SLC38A6: variants seen among roughly 807,000 people sequenced by gnomAD.
The protein encoded by SLC38A6 is solute carrier family 38 member 6.
SLC38A6 carries 73 observed loss-of-function variants against 65.0 expected under a neutral mutation model. The observed-to-expected ratio is 1.12, with a 90% confidence interval of 0.93 to 1.37. The LOEUF (loss-of-function observed/expected upper bound fraction) is 1.37, where lower values mean the gene tolerates loss of function less well. SLC38A6 is among the 40% of genes most tolerant of loss of function. The pLI is 0.00. For missense variants in SLC38A6, 561 were observed against 531.1 expected (o/e 1.06, Z -0.55); for synonymous variants, 183 against 178.8 (o/e 1.02, Z -0.19).
At chr14:61,001,906 G>C (rs554884663) in intron 3 of SLC38A6, 1 of 151,802 alleles carries the variant, frequency 6.6e-6, no homozygotes, top group African/African-American at 2.4e-5. Context: ...TTATACTAGC[G>C]CTTCTGTTCT....
chr14:61,039,312 A>G lies in SLC38A6; in HGVS notation c.624+1629A>G, dbSNP rs535063497. Among the ~76,000 whole-genome samples, 8 of 152,318 alleles carry G rather than the reference A, an allele frequency of 5.3e-5. No individual in the cohort carries two copies. The South Asian group carries it at 1.7e-3, about 32-fold the overall frequency. Reference sequence around the variant, plus strand: ...AGTTTAATCTACAGTGGGGCAATGAAGAATACTCTGTATGCTTTTTTAAAT... The same window carrying G: ...AGTTTAATCTACAGTGGGGCAATGAGGAATACTCTGTATGCTTTTTTAAAT... On this transcript the variant is annotated intron_variant, in intron 8 of 15. Transcript: ENST00000267488.
intron 3 of SLC38A6, among the ~76,000 whole-genome samples, chr14:60,990,692 G>A (rs980840198): frequency 6.6e-6 from 1 of 151,912 alleles, no homozygotes; most frequent in African/African-American, 2.4e-5. Flanking sequence ...GAATGTAGTG[G>A]CGTGAACATA....
At chr14:60,996,313 GA>G (rs1467122648) in intron 3 of SLC38A6, among the ~76,000 whole-genome samples, 1 of 152,156 alleles carries the variant, frequency 6.6e-6, no homozygotes, top group Non-Finnish European at 1.5e-5. Flanking sequence ...ACTAAAAGAA[GA>G]TCCTGCATTC....
chr14:61,029,206 A>T (rs2040793304), intron 5 of SLC38A6, among the ~76,000 whole-genome samples: 1 of 140,528 alleles, frequency 7.1e-6, no homozygotes, highest in South Asian at 2.2e-4. Context: ...CCCAGGCTGA[A>T]GTGCAGTGGT....
intron 3 of SLC38A6, among the ~76,000 whole-genome samples, chr14:60,999,714 A>G (rs1227126304): frequency 6.6e-6 from 1 of 152,250 alleles, no homozygotes; most frequent in Non-Finnish European, 1.5e-5. Flanking sequence ...AGGGAATATC[A>G]TAGAGGAGAT....
chr14:61,006,782 A>T (rs1472162053), intron 3 of SLC38A6, among the ~76,000 whole-genome samples: 1 of 152,206 alleles, frequency 6.6e-6, no homozygotes, highest in Non-Finnish European at 1.5e-5. Flanking sequence ...TCAGGGATCT[A>T]GAACTAGAAA....
chr14:61,007,569 T>C (rs545828217), intron 3 of SLC38A6, among the ~76,000 whole-genome samples: 3 of 152,204 alleles, frequency 2.0e-5, no homozygotes, highest in Non-Finnish European at 2.9e-5. Context: ...TTGAGCCCAG[T>C]AGTTCAAGGC....
chr14:61,031,144 C>T (rs945696466), intron 6 of SLC38A6: 1 of 152,094 alleles, frequency 6.6e-6, no homozygotes, highest in Non-Finnish European at 1.5e-5. Flanking sequence ...ATTTTTGACT[C>T]ACCTCTTTAT....
At chr14:61,082,328 C>T (rs1481521845) in intron 16 of SLC38A6, among the ~76,000 whole-genome samples, 1 of 152,158 alleles carries the variant, frequency 6.6e-6, no homozygotes, top group Non-Finnish European at 1.5e-5. Context: ...GTCTTTAGTC[C>T]TGTTGACTGC....
intron 15 of SLC38A6, among the ~76,000 whole-genome samples, chr14:61,062,612 C>T (rs2042889477): frequency 6.6e-6 from 1 of 152,002 alleles, no homozygotes; most frequent in African/African-American, 2.4e-5. Context: ...CAGGCACATA[C>T]CACCATTTGT....
At chr14:61,014,288 AT>A (rs987966800) in intron 3 of SLC38A6, among the ~76,000 whole-genome samples, 1 of 151,478 alleles carries the variant, frequency 6.6e-6, no homozygotes, top group Non-Finnish European at 1.5e-5. Context: ...CATTCGTCTA[AT>A]TTTTTTTCAA....
chr14:60,982,029 A>G lies in SLC38A6; in HGVS notation c.106-479A>G, dbSNP rs144044872. Among the ~76,000 whole-genome samples, 105 of 152,336 alleles carry G rather than the reference A, an allele frequency of 6.9e-4. 2 individuals carry two copies. Among genetic ancestry groups the G allele is most frequent in the South Asian group, 1.9e-3 (9 of 4,824 alleles). ...CTGTTTATAATATTGTCATTGCAAG[A>G]TATTCCTGACCATCCTTCCAGTTTG... On this transcript the variant is annotated intron_variant, in intron 1 of 15. Coordinates refer to ENST00000267488, the MANE Select transcript of SLC38A6 (RefSeq NM_153811.3).
At chr14:60,990,062 C>T (rs1191191660) in intron 3 of SLC38A6, among the ~76,000 whole-genome samples, 1 of 151,590 alleles carries the variant, frequency 6.6e-6, no homozygotes, top group Non-Finnish European at 1.5e-5. Context: ...CAGAGTCTCA[C>T]TCTGTCACCC....
intron 3 of SLC38A6, 62 bp downstream of exon 3, chr14:60,984,865 A>G: frequency 2.1e-6 from 3 of 1,412,916 alleles, no homozygotes; most frequent in East Asian, 2.3e-5. Flanking sequence ...GTATCTACAT[A>G]TAGAACTGGA....
intron 3 of SLC38A6, among the ~76,000 whole-genome samples, chr14:61,003,864 G>A (rs564189446): frequency 2.2e-4 from 33 of 152,264 alleles, no homozygotes; most frequent in African/African-American, 7.7e-4. Context: ...TGACTAGCTA[G>A]ATATGCTGAC....
intron 3 of SLC38A6, among the ~76,000 whole-genome samples, chr14:61,006,969 T>C (rs917115160): frequency 2.0e-5 from 3 of 152,138 alleles, no homozygotes; most frequent in African/African-American, 7.2e-5. Flanking sequence ...GTGGCACATA[T>C]ACACCATGGA....
In SLC38A6 at chr14:60,984,641, G is replaced by C. The variant is rs1201491478; in HGVS notation, c.237-89G>C. 3.1e-6 allele frequency: 3 copies of C among 973,478 alleles called. No homozygotes were observed. The African/African-American group carries it at 4.8e-5, about 16-fold the overall frequency. 60.3% of individuals were successfully genotyped at this position (973,478 alleles called of 1,614,324 possible). A position where few individuals can be genotyped will look rare whatever the true frequency, so the allele number is the denominator to read the frequency against. ...TCAGAGATAGTTCCTGTGAATATTT[G>C]ACTGTTAAGCAATTTGTTTTTGTAA... On this transcript the variant is annotated intron_variant, in intron 2 of 15. Coordinates refer to ENST00000267488, the MANE Select transcript of SLC38A6 (RefSeq NM_153811.3).
At chr14:61,011,189 A>G (rs1225863452) in intron 3 of SLC38A6, among the ~76,000 whole-genome samples, 1 of 152,060 alleles carries the variant, frequency 6.6e-6, no homozygotes, top group South Asian at 2.1e-4. Context: ...TTTGTCTGTT[A>G]TTGGTATATA....
chr14:61,054,307 T>G (rs1365670303), downstream of SLC38A6, among the ~76,000 whole-genome samples: 1 of 152,232 alleles, frequency 6.6e-6, no homozygotes, highest in Non-Finnish European at 1.5e-5. Flanking sequence ...TGGGTTCATG[T>G]GATGCCTCCA....
Sources: gnomAD v4.1 joint callset for allele counts (sites outside exome capture counted in the v4.1 genomes callset) on GRCh38, gnomAD v4.1.1 for gene constraint, MANE v1.5 for transcripts, NCBI Gene and HGNC (gene_info 2026-07-23, HGNC 2026-07-21) for gene names.